Variants in ATPSCKMT observed in about 807,000 individuals in gnomAD.
The protein encoded by ATPSCKMT is ATP synthase subunit C lysine N-methyltransferase.
In ATPSCKMT, 24 loss-of-function variants were observed where a neutral mutation model predicts 24.3. The ratio of observed to expected loss-of-function variants is 0.99; its 90% CI spans 0.71 to 1.39. The LOEUF is 1.39. Among genes scored for constraint, ATPSCKMT ranks in the 40% most tolerant of loss-of-function variants. ATPSCKMT has a pLI of 0.00. For synonymous variants in ATPSCKMT, 95 were observed against 110.5 expected, an observed-to-expected ratio of 0.86 and a Z score of 0.88; for missense variants, 311 against 298.4, an observed-to-expected ratio of 1.04 and a Z score of -0.31.
Position 10,236,627 on chromosome 5 carries a change from G to C in ATPSCKMT, c.307-12C>G, listed in dbSNP as rs1561029311. ...GCAGCCGCTATGACCTGTGGAGAGA[G>C]GCAGGATTTATTCAAAATAAGAAGA... On this transcript the variant is annotated splice_polypyrimidine_tract_variant and intron_variant, in intron 2 of 4. Coordinates refer to ENST00000511437, the MANE Select transcript of ATPSCKMT (RefSeq NM_199133.4). 4 of 1,608,378 alleles carry C rather than the reference G, an allele frequency of 2.5e-6. No homozygotes were observed. The highest frequency in any genetic ancestry group is 3.4e-6 in the Non-Finnish European group (4 of 1,177,882).
intron 1 of ATPSCKMT, among the ~76,000 whole-genome samples, chr5:10,247,462 T>C (rs1744986587): frequency 6.6e-6 from 1 of 152,168 alleles, no homozygotes; most frequent in Non-Finnish European, 1.5e-5. Context: ...CACTTCAGCC[T>C]CCCAGGTAGC....
At chr5:10,237,129 G>T in intron 2 of ATPSCKMT, 3 of 851,192 alleles carry the variant, frequency 3.5e-6, no homozygotes, top group Middle Eastern at 3.4e-4. Context: ...AAAGTAAAAT[G>T]AAATGAATCC....
Position 10,244,040 on chromosome 5 carries a change from T to C in ATPSCKMT, c.17-4684A>G, listed in dbSNP as rs10213736. On this transcript the variant is annotated intron_variant, in intron 1 of 4. Transcript: ENST00000511437. The stretch of plus-strand genomic sequence containing the variant: ...CATTCACTTGAACACCTGGAGCCCA[T>C]TGTAGGGTTATTAATCAGCCTAATT... Among the ~76,000 whole-genome samples, 1,200 of 152,320 alleles carry C rather than the reference T, an allele frequency of 7.9e-3. 11 individuals are homozygous for C. The highest frequency in any genetic ancestry group is 0.028 in the African/African-American group (1,152 of 41,564).
rs528824228 is a variant in ATPSCKMT, at chr5:10,241,080, G to A, written c.17-1724C>T. Among the ~76,000 whole-genome samples the A allele has an allele frequency of 4.7e-4, 72 of 151,894 alleles. No homozygotes were observed. The South Asian group carries it at 4.8e-3, about 10-fold the overall frequency. On this transcript the variant is annotated intron_variant, in intron 1 of 4. Coordinates refer to ENST00000511437, the MANE Select transcript of ATPSCKMT (RefSeq NM_199133.4). The stretch of plus-strand genomic sequence containing the variant: ...GTCTGAAATGAATTGGCAGGCCTGC[G>A]TTCCTTCTGGGGGCCCTCGGGCAGG...
chr5:10,242,150 G>C (rs1032516943), intron 1 of ATPSCKMT, among the ~76,000 whole-genome samples: 2 of 152,144 alleles, frequency 1.3e-5, no homozygotes, highest in African/African-American at 4.8e-5. Context: ...AGACAACAAT[G>C]AAGTTTGCTG....
chr5:10,249,092 A>T (rs1476120514), intron 1 of ATPSCKMT, among the ~76,000 whole-genome samples: 2 of 152,038 alleles, frequency 1.3e-5, no homozygotes, highest in Non-Finnish European at 2.9e-5. Context: ...CTACGGCGTT[A>T]ACACCGTCTC....
chr5:10,228,690 A>ATTT (rs530268153), intron 4 of ATPSCKMT, among the ~76,000 whole-genome samples: 2 of 147,988 alleles, frequency 1.4e-5, no homozygotes, highest in African/African-American at 2.5e-5. Flanking sequence ...GGTTCAAATA[A>ATTT]TTTTTTTTTT....
rs150369651 is a variant in ATPSCKMT, at chr5:10,226,537, G to C, written c.*904C>G. On this transcript the variant is annotated 3_prime_UTR_variant, in exon 5 of 5. Transcript: ENST00000511437. ...CACGTTCAAAGGTTTTCCTTAATTC[G>C]TCTTTTATCTAAATCAGTCAAGTCT... The C allele has an allele frequency of 6.6e-6, 1 of 152,138 alleles. No homozygotes were observed. The highest frequency in any genetic ancestry group is 1.5e-5 in the Non-Finnish European group (1 of 68,034). 9.4% of individuals were successfully genotyped at this position (152,138 alleles called of 1,614,324 possible). A position where few individuals can be genotyped will look rare whatever the true frequency, so the allele number is the denominator to read the frequency against.
intron 4 of ATPSCKMT, among the ~76,000 whole-genome samples, chr5:10,234,934 G>A (rs6865121): frequency 0.44 from 66,674 of 152,116 alleles, 15,486 homozygotes; most frequent in Non-Finnish European, 0.51. Context: ...CATTAGACAC[G>A]GGACCTCAGA....
intron 1 of ATPSCKMT, among the ~76,000 whole-genome samples, chr5:10,242,068 C>T (rs1055159970): frequency 1.3e-5 from 2 of 152,122 alleles, no homozygotes; most frequent in South Asian, 2.1e-4. Flanking sequence ...CTGGCCTTGA[C>T]GTTAATGGTT....
At chr5:10,248,287 C>T (rs890496250) in intron 1 of ATPSCKMT, 11 of 152,148 alleles carry the variant, frequency 7.2e-5, no homozygotes, top group African/African-American at 2.4e-4. Context: ...TAGGAAAAAT[C>T]CTCTCTCACT....
At chr5:10,246,749 A>G (rs185160794) in intron 1 of ATPSCKMT, among the ~76,000 whole-genome samples, 31 of 152,332 alleles carry the variant, frequency 2.0e-4, no homozygotes, top group Admixed American at 3.3e-4. Context: ...AACCAGCAAA[A>G]GATGTAATAA....
chr5:10,235,240 T>A lies in ATPSCKMT; in HGVS notation c.466A>T (p.Asn156Tyr). 1 of 1,613,612 alleles carries A rather than the reference T, an allele frequency of 6.2e-7. No homozygotes were observed. Among genetic ancestry groups the A allele is most frequent in the Non-Finnish European group, 8.5e-7 (1 of 1,179,694 alleles). Residue 156 changes from asparagine to tyrosine, a missense_variant, in exon 4 of 5, where the codon AAC becomes TAC. Asn to Tyr is a moderately radical substitution (Grantham distance 143, BLOSUM62 -2). Transcript: ENST00000511437. ...TGAGGCACACCGAAAATAACAACGTTCGAGTACTGCGAAAAAGTAACCTGA... is the reference window on the plus strand; with the variant it reads ...TGAGGCACACCGAAAATAACAACGTACGAGTACTGCGAAAAAGTAACCTGA... ...LWKVTFSQYS[N>Y]VVIFGVPQMM...
chr5:10,248,346 A>G (rs1349394425), intron 1 of ATPSCKMT: 1 of 152,228 alleles, frequency 6.6e-6, no homozygotes, highest in Non-Finnish European at 1.5e-5. Flanking sequence ...GCCATAGGAC[A>G]TTCTATTTTT....
intron 1 of ATPSCKMT, 153 bp downstream of exon 1, chr5:10,249,705 G>C (rs1294542023): frequency 5.9e-5 from 73 of 1,240,288 alleles, no homozygotes; most frequent in Non-Finnish European, 8.0e-5. Flanking sequence ...GCGACCAGGA[G>C]CTCTGGTCAC....
At chr5:10,240,008 C>T (rs1348233885) in intron 1 of ATPSCKMT, among the ~76,000 whole-genome samples, 6 of 151,732 alleles carry the variant, frequency 4.0e-5, no homozygotes, top group African/African-American at 4.9e-5. Flanking sequence ...GGGCCGATCA[C>T]GAGGTCAGGA....
rs1269373642 is a variant in ATPSCKMT at position 10,226,230 on chromosome 5, G to T, written c.*1211C>A. On this transcript the variant is annotated 3_prime_UTR_variant, in exon 5 of 5. Transcript: ENST00000511437. ...GGGCTTTGCATGTCTATTTACCGCAGAATCTCAGAGCTTCTTCTACAGTAG... is the reference window on the plus strand; with the variant it reads ...GGGCTTTGCATGTCTATTTACCGCATAATCTCAGAGCTTCTTCTACAGTAG... 6.6e-6 allele frequency: 1 copy of T among 152,204 alleles called. No individual in the cohort carries two copies. Among genetic ancestry groups the T allele is most frequent in the African/African-American group, 2.4e-5 (1 of 41,450 alleles). 9.4% of individuals were successfully genotyped at this position (152,204 alleles called of 1,614,324 possible). A position where few individuals can be genotyped will look rare whatever the true frequency, so the allele number is the denominator to read the frequency against.
intron 1 of ATPSCKMT, among the ~76,000 whole-genome samples, chr5:10,245,140 G>A (rs1370503328): frequency 1.3e-5 from 2 of 152,160 alleles, no homozygotes; most frequent in Non-Finnish European, 2.9e-5. Context: ...CACAATTCAA[G>A]CTGGGCATGG....
In ATPSCKMT at chr5:10,227,545, C is replaced by G; in HGVS notation, c.598G>C (p.Gly200Arg). Residue 200 changes from glycine to arginine, a missense_variant, in exon 5 of 5, where the codon GGG (glycine) becomes CGG (arginine). Physicochemically the swap from Gly to Arg is moderately radical, Grantham distance 125. Transcript: ENST00000511437. ...FPHWTPDHVT[G>R]EGIDTVWAYD... ...GCCCACACTGTGTCTATCCCCTCCC[C>G]CGTGACGTGGTCTGGAGTCCAATGT... 1 of 1,614,204 alleles carries G rather than the reference C, an allele frequency of 6.2e-7. No homozygotes were observed. The highest frequency in any genetic ancestry group is 8.5e-7 in the Non-Finnish European group (1 of 1,180,048).
Sources: gnomAD v4.1 joint callset for allele counts (sites outside exome capture counted in the v4.1 genomes callset) on GRCh38, gnomAD v4.1.1 for gene constraint, MANE v1.5 for transcripts, NCBI Gene and HGNC (gene_info 2026-07-23, HGNC 2026-07-21) for gene names.